The following ASXL1 variants were observed in gnomAD, a reference collection of about 807,000 sequenced individuals.
ASXL1 encodes ASXL transcriptional regulator 1.
In ASXL1, 65 loss-of-function variants were observed where a neutral mutation model predicts 89.1. The ratio of observed to expected loss-of-function variants is 0.73; its 90% confidence interval spans 0.60 to 0.90. The LOEUF is 0.90. ASXL1 is among the 40% of genes least tolerant of loss of function. ASXL1 has a pLI of 0.00. For missense variants in ASXL1, 1,786 were observed against 1,942.9 expected, an observed-to-expected ratio of 0.92 and a Z score of 1.52; for synonymous variants, 739 against 746.9, an observed-to-expected ratio of 0.99 and a Z score of 0.17.
chr20:32,392,516 G>A lies in ASXL1; in HGVS notation c.252+23393G>A, dbSNP rs374029583. ...AGGCTGATCTTGAACTCTTGACCTC[G>A]TGATCTGCCCGCCTCGGCCTCCCAA... is the stretch of plus-strand genomic sequence containing the variant. On this transcript the variant is annotated intron_variant, in intron 4 of 12. Coordinates refer to ENST00000375687, the MANE Select transcript of ASXL1 (RefSeq NM_015338.6). Among the ~76,000 whole-genome samples, 106 of 147,284 alleles carry A rather than the reference G, an allele frequency of 7.2e-4. 1 individual carries two copies. Among genetic ancestry groups the A allele is most frequent in the African/African-American group, 2.4e-3 (98 of 40,750 alleles).
chr20:32,382,650 G>A (rs2048508923), intron 4 of ASXL1, among the ~76,000 whole-genome samples: 1 of 151,556 alleles, frequency 6.6e-6, no homozygotes, highest in South Asian at 2.1e-4. Flanking sequence ...GCCAGGCGTG[G>A]TGGCTCATGC....
intron 1 of ASXL1, among the ~76,000 whole-genome samples, chr20:32,361,633 C>CAAAAAAAAA (rs11475139): frequency 9.8e-6 from 1 of 102,330 alleles, no homozygotes; most frequent in African/African-American, 3.7e-5. Context: ...AGACTCGTCT[C>CAAAAAAAAA]AAAAAAAAAA....
intron 10 of ASXL1, among the ~76,000 whole-genome samples, 196 bp downstream of exon 10, chr20:32,431,875 T>C (rs2011526159): frequency 6.6e-6 from 1 of 152,240 alleles, no homozygotes; most frequent in Admixed American, 6.5e-5. Context: ...TGTTTAGGTT[T>C]AGACTTTCAC....
At chr20:32,402,815 G>T (rs1346750381) in intron 4 of ASXL1, among the ~76,000 whole-genome samples, 3 of 151,978 alleles carry the variant, frequency 2.0e-5, no homozygotes, top group South Asian at 2.1e-4. Context: ...TCTTACTGTT[G>T]AGTGTTCTAG....
chr20:32,404,335 C>A (rs2048920561), intron 4 of ASXL1, among the ~76,000 whole-genome samples: 1 of 152,156 alleles, frequency 6.6e-6, no homozygotes, highest in African/African-American at 2.4e-5. Context: ...ATCAGCATTT[C>A]ATAGGTTTTA....
At chr20:32,367,301 A>G (rs922783245) in intron 2 of ASXL1, among the ~76,000 whole-genome samples, 5 of 152,088 alleles carry the variant, frequency 3.3e-5, no homozygotes, top group Non-Finnish European at 7.4e-5. Context: ...AATCGCTTGA[A>G]CTCAGGAGAC....
In ASXL1 at chr20:32,366,464, G is replaced by T. The variant is rs772252001; in HGVS notation, c.138G>T (p.Met46Ile). The T allele has an allele frequency of 3.1e-6, 5 of 1,613,804 alleles. No homozygotes were observed. The highest frequency in any genetic ancestry group is 4.2e-6 in the Non-Finnish European group (5 of 1,179,686). ...TAGAGGCAGAAGGACTAAAGGAAAT[G>T]AGGTTTGTATTGTTCTTGTTGCTTA... is the stretch of plus-strand genomic sequence containing the variant. ...QVIEAEGLKEMRSGTSPLACL... is the reference protein window; with the variant it reads ...QVIEAEGLKEIRSGTSPLACL... Residue 46 changes from methionine (M) to isoleucine (I), a missense_variant and splice_region_variant, in exon 2 of 13, where the codon ATG (methionine) becomes ATT (isoleucine). Around this residue, in one of 3 missense-constraint regions of ASXL1, gnomAD observed 332 missense variants for 449.7 expected, o/e 0.74. Transcript: ENST00000375687.
intron 2 of ASXL1, among the ~76,000 whole-genome samples, chr20:32,366,700 C>T (rs1260121194): frequency 6.6e-6 from 1 of 152,112 alleles, no homozygotes; most frequent in Non-Finnish European, 1.5e-5. Flanking sequence ...CCTTGTTCTT[C>T]CTTAAATCTT....
At chr20:32,421,696 C>A (rs2049252807) in intron 4 of ASXL1, among the ~76,000 whole-genome samples, 1 of 151,962 alleles carries the variant, frequency 6.6e-6, no homozygotes, top group African/African-American at 2.4e-5. Flanking sequence ...CTGATGCATG[C>A]AACAATGTAG....
In ASXL1 at chr20:32,422,880, C is replaced by T. The variant is rs60987501; in HGVS notation, c.253-5248C>T. 1.3e-4 allele frequency among the ~76,000 whole-genome samples: 19 copies of T among 151,954 alleles called. No homozygotes were observed. The East Asian group carries it at 2.3e-3, about 19-fold the overall frequency. ...GATTGCAGGCATGAGCCACCGTGCC[C>T]GGCCTATAGAATTTTTTATATGTAG... is the stretch of plus-strand genomic sequence containing the variant. On this transcript the variant is annotated intron_variant, in intron 4 of 12. Transcript: ENST00000375687.
chr20:32,421,966 T>G (rs1203151835), intron 4 of ASXL1, among the ~76,000 whole-genome samples: 1 of 150,456 alleles, frequency 6.6e-6, no homozygotes, highest in Non-Finnish European at 1.5e-5. Context: ...CCTCCCGGGT[T>G]CATGCCATTC....
At chr20:32,364,833 A>G (rs1018983018) in intron 1 of ASXL1, among the ~76,000 whole-genome samples, 1 of 152,248 alleles carries the variant, frequency 6.6e-6, no homozygotes, top group African/African-American at 2.4e-5. Context: ...TGTGTCTGGC[A>G]CAAGGTACGT....
At chr20:32,369,355 T>A (rs2048259282) in intron 4 of ASXL1, among the ~76,000 whole-genome samples, 1 of 152,054 alleles carries the variant, frequency 6.6e-6, no homozygotes, top group South Asian at 2.1e-4. Flanking sequence ...TTCAAGTGAT[T>A]CTCCCACCTC....
At chr20:32,374,973 A>G (rs1287619689) in intron 4 of ASXL1, among the ~76,000 whole-genome samples, 1 of 152,232 alleles carries the variant, frequency 6.6e-6, no homozygotes, top group Non-Finnish European at 1.5e-5. Flanking sequence ...TGAGTAATTT[A>G]TAAAGAAAAT....
At chr20:32,361,054 A>G (rs976614977) in intron 1 of ASXL1, among the ~76,000 whole-genome samples, 3 of 151,520 alleles carry the variant, frequency 2.0e-5, no homozygotes, top group Non-Finnish European at 2.9e-5. Flanking sequence ...GCCTATGAGT[A>G]GGAATTACTT....
intron 1 of ASXL1, among the ~76,000 whole-genome samples, chr20:32,363,043 A>T (rs1349540764): frequency 1.4e-5 from 2 of 139,898 alleles, no homozygotes; most frequent in Non-Finnish European, 3.0e-5. Context: ...AGAGATACTT[A>T]AAAAAAAAAA....
intron 4 of ASXL1, among the ~76,000 whole-genome samples, chr20:32,382,051 G>A (rs568685945): frequency 4.0e-4 from 61 of 150,972 alleles, no homozygotes; most frequent in African/African-American, 1.4e-3. Flanking sequence ...CACTTCCCGG[G>A]TTCAAGTGAT....
chr20:32,381,321 C>CA (rs942328067), intron 4 of ASXL1, among the ~76,000 whole-genome samples: 1 of 152,138 alleles, frequency 6.6e-6, no homozygotes, highest in Non-Finnish European at 1.5e-5. Context: ...CCTCCCACCT[C>CA]AGCCTCCTGA....
intron 4 of ASXL1, among the ~76,000 whole-genome samples, chr20:32,405,304 C>T (rs1453286552): frequency 6.6e-6 from 1 of 152,020 alleles, no homozygotes; most frequent in African/African-American, 2.4e-5. Context: ...TTTTGAACTT[C>T]TGGGCTCAAG....
Sources: allele counts gnomAD v4.1 joint callset (sites outside exome capture counted in the v4.1 genomes callset), GRCh38; gene constraint gnomAD v4.1.1; regional missense constraint gnomAD v4.1.1; transcripts MANE v1.5; gene names NCBI Gene and HGNC (gene_info 2026-07-23, HGNC 2026-07-21).